Variants in MCC observed in about 807,000 individuals in gnomAD.
The protein encoded by MCC is colorectal mutant cancer protein.
A neutral mutation model predicts 116.2 loss-of-function variants in MCC; 90 were observed. The ratio of observed to expected loss-of-function variants is 0.77; its 90% CI spans 0.65 to 0.92. The LOEUF (loss-of-function observed/expected upper bound fraction) is 0.92. MCC is among the 40% of genes least tolerant of loss of function. The pLI, the probability that MCC is intolerant of heterozygous loss-of-function variation, is 0.00. For missense variants in MCC, 1,516 were observed against 1,312.2 expected (o/e 1.16, Z -2.40); for synonymous variants, 578 against 510.5 (o/e 1.13, Z -1.78).
At chr5:113,302,666 G>T (rs1766892150) in intron 3 of MCC, among the ~76,000 whole-genome samples, 1 of 152,154 alleles carries the variant, frequency 6.6e-6, no homozygotes, top group Non-Finnish European at 1.5e-5. Context: ...AAGTACTAGA[G>T]GAGGTGGGAA....
At chr5:113,389,768 T>G (rs1408660987) in intron 1 of MCC, among the ~76,000 whole-genome samples, 1 of 152,178 alleles carries the variant, frequency 6.6e-6, no homozygotes, top group Non-Finnish European at 1.5e-5. Context: ...CACATTTGTT[T>G]TGATGGAATG....
At chr5:113,204,179 C>T (rs568182849) in intron 3 of MCC, among the ~76,000 whole-genome samples, 8 of 152,254 alleles carry the variant, frequency 5.3e-5, no homozygotes, top group African/African-American at 1.2e-4. Context: ...TTGCAAGAAC[C>T]GTTTCATCAG....
At chr5:113,116,069 A>C (rs1581095241) in intron 6 of MCC, among the ~76,000 whole-genome samples, 1 of 152,084 alleles carries the variant, frequency 6.6e-6, no homozygotes, top group African/African-American at 2.4e-5. Context: ...CTCCAGTCCA[A>C]ATGGCCCTTT....
chr5:113,250,801 C>T (rs1486414620), intron 3 of MCC, among the ~76,000 whole-genome samples: 1 of 152,180 alleles, frequency 6.6e-6, no homozygotes, highest in Non-Finnish European at 1.5e-5. Context: ...TCCACTCCCT[C>T]TACTTCCTAC....
At chr5:113,212,818 C>T (rs902214436) in intron 3 of MCC, among the ~76,000 whole-genome samples, 2 of 152,164 alleles carry the variant, frequency 1.3e-5, no homozygotes, top group African/African-American at 2.4e-5. Context: ...GATGTCACTC[C>T]CCCTCTAACT....
At chr5:113,220,633 C>T (rs751701908) in intron 3 of MCC, among the ~76,000 whole-genome samples, 7 of 152,142 alleles carry the variant, frequency 4.6e-5, no homozygotes, top group Non-Finnish European at 8.8e-5. Flanking sequence ...TACTAGAATA[C>T]AGAAATATAA....
At chr5:113,205,502 C>T (rs1762878765) in intron 3 of MCC, among the ~76,000 whole-genome samples, 1 of 152,236 alleles carries the variant, frequency 6.6e-6, no homozygotes, top group Non-Finnish European at 1.5e-5. Context: ...TTCTAGGCTG[C>T]ATTTGTAAAA....
intron 16 of MCC, among the ~76,000 whole-genome samples, chr5:113,045,525 C>A (rs1453480213): frequency 6.6e-6 from 1 of 152,128 alleles, no homozygotes; most frequent in Non-Finnish European, 1.5e-5. Context: ...AGAGGCCAGG[C>A]ACAGTGGCTC....
At chr5:113,482,243 CAT>C (rs1327272193) in intron 1 of MCC, among the ~76,000 whole-genome samples, 1 of 152,114 alleles carries the variant, frequency 6.6e-6, no homozygotes, top group Non-Finnish European at 1.5e-5. Flanking sequence ...TTTGGGTGGA[CAT>C]ATATTTTCAG....
intron 1 of MCC, chr5:113,433,603 G>C: frequency 8.5e-7 from 1 of 1,178,402 alleles, no homozygotes; most frequent in Non-Finnish European, 1.2e-6. Flanking sequence ...CCAAGTTCAA[G>C]GGGAGAGAGA....
At chr5:113,392,952 T>G (rs561470786) in intron 1 of MCC, among the ~76,000 whole-genome samples, 1 of 152,124 alleles carries the variant, frequency 6.6e-6, no homozygotes, top group Non-Finnish European at 1.5e-5. Context: ...TGTATCATCA[T>G]AAAAAATCTC....
At chr5:113,181,691 T>C (rs954498058) in intron 3 of MCC, among the ~76,000 whole-genome samples, 4 of 152,006 alleles carry the variant, frequency 2.6e-5, no homozygotes, top group Non-Finnish European at 5.9e-5. Context: ...CAAATGAAAA[T>C]ATAACAAAAG....
chr5:113,231,918 T>A (rs980812562), intron 3 of MCC, among the ~76,000 whole-genome samples: 1 of 152,128 alleles, frequency 6.6e-6, no homozygotes, highest in African/African-American at 2.4e-5. Flanking sequence ...CCCAGTAATC[T>A]CTAGTTTTTA....
intron 1 of MCC, among the ~76,000 whole-genome samples, chr5:113,448,613 G>A (rs958098441): frequency 2.7e-5 from 4 of 148,076 alleles, no homozygotes; most frequent in African/African-American, 5.3e-5. Flanking sequence ...GCCTTCGGTT[G>A]TGACAAATAC....
chr5:113,411,518 G>C (rs1769991737), intron 1 of MCC, among the ~76,000 whole-genome samples: 1 of 151,896 alleles, frequency 6.6e-6, no homozygotes, highest in African/African-American at 2.4e-5. Flanking sequence ...ACATTTGTCA[G>C]ATAAGGTAAA....
At chr5:113,371,901 A>G (rs551524151) in intron 2 of MCC, among the ~76,000 whole-genome samples, 1 of 152,330 alleles carries the variant, frequency 6.6e-6, no homozygotes, top group East Asian at 1.9e-4. Context: ...TGGCCAAATT[A>G]AACACTTTCT....
At chr5:113,488,191 C>A (rs1772599546) in intron 1 of MCC, 54 bp downstream of exon 1, 4 of 1,549,814 alleles carry the variant, frequency 2.6e-6, no homozygotes, top group Non-Finnish European at 2.6e-6. Flanking sequence ...GGGTCAAGGG[C>A]GCGCGGAGGG....
chr5:113,026,273 T>C lies in MCC; in HGVS notation c.*1029A>G, dbSNP rs978675996. ...AGGAGCTAAGTCTTGAACTGGGGGTTACACAGCACTCTTAAGTAGGCGTGA... is the reference window on the plus strand; with the variant it reads ...AGGAGCTAAGTCTTGAACTGGGGGTCACACAGCACTCTTAAGTAGGCGTGA... On this transcript the variant is annotated 3_prime_UTR_variant, in exon 19 of 19. Coordinates refer to ENST00000408903, the MANE Select transcript of MCC (RefSeq NM_001085377.2). The C allele has an allele frequency of 4.6e-5, 7 of 152,338 alleles. No homozygotes were observed. The East Asian group carries it at 1.3e-3, about 29-fold the overall frequency. The allele number at this position is 152,338 out of a possible 1,614,324, so 9.4% of individuals were successfully genotyped here.
At chr5:113,164,278 G>T (rs1469901660) in intron 3 of MCC, among the ~76,000 whole-genome samples, 1 of 152,202 alleles carries the variant, frequency 6.6e-6, no homozygotes, top group Non-Finnish European at 1.5e-5. Context: ...CTCACTGTTG[G>T]ATAGCTACTG....
Sources: allele counts gnomAD v4.1 joint callset (sites outside exome capture counted in the v4.1 genomes callset), GRCh38; gene constraint gnomAD v4.1.1; transcripts MANE v1.5; gene names NCBI Gene and HGNC (gene_info 2026-07-23, HGNC 2026-07-21).